The following DNAH1 variants were observed in gnomAD, a reference collection of about 807,000 sequenced individuals.
The protein encoded by DNAH1 is axonemal beta dynein heavy chain 1.
Under a neutral mutation model 484.3 loss-of-function variants are expected in DNAH1, and 327 were observed. The observed-to-expected ratio is 0.68, with a 90% CI of 0.62 to 0.74. DNAH1 has a LOEUF of 0.74. DNAH1 is among the 30% of genes least tolerant of loss of function. The pLI, the probability that DNAH1 is intolerant of heterozygous loss-of-function variation, is 0.00. For synonymous variants in DNAH1, 2,192 were observed against 2,191.9 expected (o/e 1.00, Z 0.00); for missense variants, 5,052 against 5,546.8 (o/e 0.91, Z 2.83).
intron 1 of DNAH1, among the ~76,000 whole-genome samples, chr3:52,318,735 G>T (rs1431306819): frequency 6.6e-6 from 1 of 152,168 alleles, no homozygotes; most frequent in Non-Finnish European, 1.5e-5. Context: ...GTGGAGGGCA[G>T]TTTGCATCGG....
At chr3:52,338,584 C>T (rs1701817745) in intron 8 of DNAH1, among the ~76,000 whole-genome samples, 4 of 152,148 alleles carry the variant, frequency 2.6e-5, no homozygotes, top group Non-Finnish European at 2.9e-5. Context: ...ATGAAGAGCT[C>T]AAGGGTATAG....
In DNAH1 at chr3:52,327,973, C is replaced by T. The variant is rs559945872; in HGVS notation, c.830C>T (p.Pro277Leu). 20 of 1,613,882 alleles carry T rather than the reference C, an allele frequency of 1.2e-5. No homozygotes were observed. Among genetic ancestry groups the T allele is most frequent in the African/African-American group, 9.3e-5 (7 of 75,034 alleles). Reference protein sequence around the residue: ...EPGSLDRKPVPGKALLPTDDF... With the variant: ...EPGSLDRKPVLGKALLPTDDF... ...GGGTCTCTGGACAGGAAACCTGTCC[C>T]GGGAAAAGCCCTCTTGCCCACTGAT... The change falls in exon 6 of 78, where the codon CCG (proline) becomes CTG (leucine). Residue 277 changes from proline (P) to leucine (L), a missense_variant. Coordinates refer to ENST00000420323, the MANE Select transcript of DNAH1 (RefSeq NM_015512.5).
rs1704696115 is a variant in DNAH1, at chr3:52,397,697, T to C, written c.11788-10T>C. 1.3e-6 allele frequency: 2 copies of C among 1,585,210 alleles called. No individual in the cohort carries two copies. Among genetic ancestry groups the C allele is most frequent in the Non-Finnish European group, 1.7e-6 (2 of 1,165,884 alleles). Reference sequence around the variant, plus strand: ...GCCAGGGGCTTCCATGTTGGCCTCCTCTCTCCTAGGGCTACCTCTCCTACA... The same window carrying C: ...GCCAGGGGCTTCCATGTTGGCCTCCCCTCTCCTAGGGCTACCTCTCCTACA... On this transcript the variant is annotated splice_polypyrimidine_tract_variant and intron_variant, in intron 73 of 77. Transcript: ENST00000420323.
Position 52,368,666 on chromosome 3 carries a change from G to T in DNAH1, c.5766-75G>T. 1 of 1,519,636 alleles carries T rather than the reference G, an allele frequency of 6.6e-7. No individual in the cohort carries two copies. The highest frequency in any genetic ancestry group is 8.9e-7 in the Non-Finnish European group (1 of 1,123,180). 94.1% of individuals were successfully genotyped at this position (1,519,636 alleles called of 1,614,324 possible). A position where few individuals can be genotyped will look rare whatever the true frequency, so the allele number is the denominator to read the frequency against. ...TAGAGCCCGCCCACCCGGCGGCCAG[G>T]CTTCCCTGGGAGCCAGCTGTGCTCG... is the stretch of plus-strand genomic sequence containing the variant. On this transcript the variant is annotated intron_variant, in intron 36 of 77. Transcript: ENST00000420323. This position sits in a 1 kb window ranked among gnomAD's most constrained non-coding sequence, Gnocchi z 4.4.
chr3:52,325,120 C>G (rs1208237662), intron 3 of DNAH1, among the ~76,000 whole-genome samples: 1 of 152,132 alleles, frequency 6.6e-6, no homozygotes, highest in African/African-American at 2.4e-5. Context: ...ATTTTTGATG[C>G]AAAGAGGGAG....
chr3:52,311,572 T>C (rs1700755709), upstream of DNAH1, among the ~76,000 whole-genome samples: 1 of 152,082 alleles, frequency 6.6e-6, no homozygotes, highest in Non-Finnish European at 1.5e-5. Flanking sequence ...GCATCTCCAG[T>C]TTTCTTTAAC....
Position 52,383,537 on chromosome 3 carries a change from T to G in DNAH1, c.8093T>G (p.Leu2698Arg), listed in dbSNP as rs2153225231. The G allele has an allele frequency of 6.2e-7, 1 of 1,612,528 alleles. No homozygotes were observed. The highest frequency in any genetic ancestry group is 1.3e-5 in the African/African-American group (1 of 74,996). ...EQGLQPTKANLMAAYTGRVRS... is the reference protein window; with the variant it reads ...EQGLQPTKANRMAAYTGRVRS... ...GGCCTACAGCCCACCAAGGCCAACC[T>G]CATGGCTGCTTACACAGGGCGTGTG... The change falls in exon 51 of 78, where the codon CTC (leucine) becomes CGC (arginine). Residue 2698 changes from leucine to arginine, a missense_variant. By Grantham distance (102) the Leu-to-Arg change is moderately radical (BLOSUM62 -2). This residue lies in a region of DNAH1 where 2,929 missense variants were observed against 3,409.4 expected (regional missense o/e 0.86). Coordinates refer to ENST00000420323, the MANE Select transcript of DNAH1 (RefSeq NM_015512.5).
intron 63 of DNAH1, among the ~76,000 whole-genome samples, chr3:52,391,926 C>T (rs901950993): frequency 1.3e-5 from 2 of 152,210 alleles, no homozygotes; most frequent in African/African-American, 4.8e-5. Flanking sequence ...CCTGTGCCCT[C>T]ATCCTCAGAG....
At chr3:52,343,520 G>A (rs1003312369) in intron 8 of DNAH1, among the ~76,000 whole-genome samples, 2 of 152,110 alleles carry the variant, frequency 1.3e-5, no homozygotes. Flanking sequence ...GTGAGAGAGA[G>A]TCTTTTCCAG....
Position 52,355,192 on chromosome 3 carries a change from T to A in DNAH1, c.3693+137T>A. The A allele has an allele frequency of 1.2e-6, 1 of 853,144 alleles. No individual in the cohort carries two copies. Among genetic ancestry groups the A allele is most frequent in the Non-Finnish European group, 1.8e-6 (1 of 541,516 alleles). The allele number at this position is 853,144 out of a possible 1,614,324, so 52.8% of individuals were successfully genotyped here. A position where few individuals can be genotyped will look rare whatever the true frequency, so the allele number is the denominator to read the frequency against. On this transcript the variant is annotated intron_variant, in intron 21 of 77. Transcript: ENST00000420323. This position sits in a 1 kb window ranked among gnomAD's most constrained non-coding sequence, Gnocchi z 4.5. ...CTCATTCACACAGCCCCTGGCTCTC[T>A]GGCAGGCCCCGCCCTACTGCATTCA...
In DNAH1 at chr3:52,375,396, T is replaced by C. The variant is rs552394693; in HGVS notation, c.7142T>C (p.Ile2381Thr). The C allele has an allele frequency of 7.3e-5, 117 of 1,613,414 alleles. No homozygotes were observed. Among genetic ancestry groups the C allele is most frequent in the South Asian group, 2.7e-4 (25 of 90,936 alleles). The part of the protein sequence containing the change: ...EVSKKRIFST[I>T]LGNWLDGLLG... ...AGCAAGAAACGCATCTTCTCCACCA[T>C]CCTGGGCAACTGGTTGGGTGAGTAT... is the stretch of plus-strand genomic sequence containing the variant. The change falls in exon 45 of 78, where the codon ATC (isoleucine) becomes ACC (threonine). Residue 2381 changes from isoleucine (I) to threonine (T), a missense_variant. Around this residue, in one of 4 missense-constraint regions of DNAH1, gnomAD observed 2,929 missense variants for 3,409.4 expected, o/e 0.86. Coordinates refer to ENST00000420323, the MANE Select transcript of DNAH1 (RefSeq NM_015512.5).
rs765447094 is a variant in DNAH1, at chr3:52,388,295, C to T, written c.9132C>T (p.His3044=). Residue 3044 remains histidine, a synonymous_variant, in exon 57 of 78, where the codon CAC becomes CAT. Transcript: ENST00000420323. ...TCTGCCAGTGGGTGCGCGCCATGCACAAGTACCACTTTGTGGCCAAGGCCG... is the reference window on the plus strand; with the variant it reads ...TCTGCCAGTGGGTGCGCGCCATGCATAAGTACCACTTTGTGGCCAAGGCCG... ...TSICQWVRAM[H]KYHFVAKAVE... 6.2e-7 allele frequency: 1 copy of T among 1,602,362 alleles called. No homozygotes were observed. Among genetic ancestry groups the T allele is most frequent in the African/African-American group, 1.3e-5 (1 of 74,876 alleles).
At chr3:52,386,394 T>C (rs1238600166) in intron 55 of DNAH1, 49 bp downstream of exon 55, 18 of 1,506,160 alleles carry the variant, frequency 1.2e-5, no homozygotes, top group Non-Finnish European at 1.6e-5. Context: ...GCCTCTGTCC[T>C]CAAGCCTTCC....
At chr3:52,392,388 A>T in intron 63 of DNAH1, 76 bp from the exon 64 acceptor site, 2 of 1,361,234 alleles carry the variant, frequency 1.5e-6, no homozygotes, top group South Asian at 1.2e-5. Context: ...GCACAGGTGG[A>T]TGGGTGACCA....
At chr3:52,378,132 GA>G (rs1293385180) in intron 46 of DNAH1, among the ~76,000 whole-genome samples, 1 of 152,146 alleles carries the variant, frequency 6.6e-6, no homozygotes, top group Non-Finnish European at 1.5e-5. Flanking sequence ...AATGCAGGCT[GA>G]GGGGTAGGCA....
In DNAH1 at chr3:52,378,660, G is replaced by T; in HGVS notation, c.7257G>T (p.Val2419=). The T allele has an allele frequency of 6.2e-7, 1 of 1,613,742 alleles. No homozygotes were observed. Among genetic ancestry groups the T allele is most frequent in the Non-Finnish European group, 8.5e-7 (1 of 1,179,854 alleles). The part of the protein sequence containing the change: ...TEPLVEATIM[V]YATITSQLLP... The stretch of plus-strand genomic sequence containing the variant: ...CCCTTGTGGAAGCCACCATCATGGT[G>T]TATGCAACCATCACCTCCCAGCTGC... The change falls in exon 47 of 78, where the codon GTG becomes GTT. Residue 2419 remains valine (V), a synonymous_variant. Coordinates refer to ENST00000420323, the MANE Select transcript of DNAH1 (RefSeq NM_015512.5).
chr3:52,327,366 C>T (rs1701384618), intron 5 of DNAH1, among the ~76,000 whole-genome samples: 1 of 152,138 alleles, frequency 6.6e-6, no homozygotes, highest in Non-Finnish European at 1.5e-5. Flanking sequence ...CTTTCACCCA[C>T]CTCCCCTCCT....
rs762980388 is a variant in DNAH1, at chr3:52,355,085, C to T, written c.3693+30C>T. On this transcript the variant is annotated intron_variant, in intron 21 of 77. Coordinates refer to ENST00000420323, the MANE Select transcript of DNAH1 (RefSeq NM_015512.5). This position sits in a 1 kb window ranked among gnomAD's most constrained non-coding sequence, Gnocchi z 4.5. ...GCCCTCCCCCCAGTCCTTCCCTCAT[C>T]GCTCCCCCACTTCAGAGAGCCCGAC... The T allele has an allele frequency of 2.5e-6, 4 of 1,604,182 alleles. No individual in the cohort carries two copies. The highest frequency in any genetic ancestry group is 1.1e-5 in the South Asian group (1 of 90,886).
At chr3:52,397,409 G>T (rs533482959) in intron 73 of DNAH1, among the ~76,000 whole-genome samples, 1 of 152,328 alleles carries the variant, frequency 6.6e-6, no homozygotes, top group African/African-American at 2.4e-5. Context: ...CCAGGGCTGG[G>T]TTGTGTGGGT....
Sources: gnomAD v4.1 joint callset for allele counts (sites outside exome capture counted in the v4.1 genomes callset) on GRCh38, gnomAD v4.1.1 for gene constraint, gnomAD v4.1.1 regional missense constraint, Gnocchi (gnomAD v3.1) non-coding constraint, MANE v1.5 for transcripts, NCBI Gene and HGNC (gene_info 2026-07-23, HGNC 2026-07-21) for gene names.